Variants in PHACTR1 observed in about 807,000 individuals in gnomAD.
The protein encoded by PHACTR1 is phosphatase and actin regulator 1.
PHACTR1 carries 16 observed loss-of-function variants against 69.2 expected under a neutral mutation model. That is an observed-to-expected ratio of 0.23 (90% CI 0.16 to 0.35). The LOEUF (loss-of-function observed/expected upper bound fraction) is 0.35. Ranked by LOEUF, PHACTR1 falls within the 10% of genes least tolerant of loss-of-function variation. The pLI is 1.00. For missense variants in PHACTR1, 510 were observed against 734.7 expected (o/e 0.69, Z 3.54); for synonymous variants, 312 against 284.5 (o/e 1.10, Z -0.97).
At chr6:13,281,066 A>G (rs1440331454) in intron 12 of PHACTR1, 2 of 1,289,634 alleles carry the variant, frequency 1.6e-6, no homozygotes, top group South Asian at 2.5e-5. Context: ...TTGATTTGGA[A>G]AGACGGTGTC....
chr6:12,725,446 C>T (rs1198586256), intron 3 of PHACTR1, among the ~76,000 whole-genome samples: 1 of 152,218 alleles, frequency 6.6e-6, no homozygotes, highest in Non-Finnish European at 1.5e-5. Context: ...CTTTCCCAGG[C>T]CTTCCTCCCA....
chr6:12,818,086 G>A (rs1775794101), intron 4 of PHACTR1, among the ~76,000 whole-genome samples: 1 of 152,224 alleles, frequency 6.6e-6, no homozygotes, highest in African/African-American at 2.4e-5. Flanking sequence ...GCCTCCCAAA[G>A]TGCTGGGATT....
At chr6:12,900,172 G>A (rs763025375) in intron 4 of PHACTR1, among the ~76,000 whole-genome samples, 2 of 152,012 alleles carry the variant, frequency 1.3e-5, no homozygotes, top group Non-Finnish European at 2.9e-5. Context: ...CTTAAAGATT[G>A]GCCTCTTAAA....
intron 4 of PHACTR1, among the ~76,000 whole-genome samples, chr6:12,938,794 C>T (rs1047034669): frequency 3.3e-5 from 5 of 152,066 alleles, no homozygotes; most frequent in African/African-American, 4.8e-5. Flanking sequence ...TTTATGTAAA[C>T]GGAACACTAA....
chr6:12,953,259 A>T (rs1197057985), intron 4 of PHACTR1, among the ~76,000 whole-genome samples: 2 of 152,122 alleles, frequency 1.3e-5, no homozygotes, highest in South Asian at 2.1e-4. Flanking sequence ...GAAGGTGAAG[A>T]TTGCAGTGAG....
At chr6:13,225,739 G>A (rs12195574) in intron 8 of PHACTR1, among the ~76,000 whole-genome samples, 7,829 of 152,164 alleles carry the variant, frequency 0.051, 227 homozygotes, top group African/African-American at 0.071. Context: ...CCCGGCTGCC[G>A]TTATCCCCAG....
At chr6:12,744,384 A>G (rs542269573) in intron 3 of PHACTR1, among the ~76,000 whole-genome samples, 19 of 152,370 alleles carry the variant, frequency 1.2e-4, no homozygotes, top group African/African-American at 4.6e-4. Flanking sequence ...TTTTGGAGAA[A>G]TCAGGAAGAG....
At chr6:12,848,490 G>A (rs539328531) in intron 4 of PHACTR1, among the ~76,000 whole-genome samples, 14 of 152,108 alleles carry the variant, frequency 9.2e-5, no homozygotes, top group South Asian at 4.1e-4. Context: ...AATGTAACTC[G>A]TAGAGACTTT....
At chr6:12,764,386 C>T (rs886984208) in intron 4 of PHACTR1, among the ~76,000 whole-genome samples, 1 of 152,152 alleles carries the variant, frequency 6.6e-6, no homozygotes, top group Non-Finnish European at 1.5e-5. Context: ...ACCCAATAGT[C>T]ACAATGAATC....
chr6:13,090,049 T>C (rs1428459853), intron 5 of PHACTR1, among the ~76,000 whole-genome samples: 1 of 151,734 alleles, frequency 6.6e-6, no homozygotes. Flanking sequence ...GTTTTGGGTT[T>C]TTTTGTTGTT....
chr6:12,747,721 A>G (rs1415131056), intron 3 of PHACTR1, among the ~76,000 whole-genome samples: 1 of 152,128 alleles, frequency 6.6e-6, no homozygotes, highest in East Asian at 1.9e-4. Flanking sequence ...GTCACTTCAC[A>G]TTTCTGAGAG....
chr6:13,064,534 G>T (rs371876030), intron 5 of PHACTR1, among the ~76,000 whole-genome samples: 19 of 114,452 alleles, frequency 1.7e-4, no homozygotes, highest in African/African-American at 5.6e-4. Flanking sequence ...AACGGGAAGG[G>T]GAGAAGGGAA....
intron 4 of PHACTR1, among the ~76,000 whole-genome samples, chr6:12,764,744 C>T (rs931137164): frequency 6.6e-6 from 1 of 152,156 alleles, no homozygotes; most frequent in African/African-American, 2.4e-5. Context: ...AGGTAGAGCT[C>T]TAGCCTTCCT....
intron 5 of PHACTR1, among the ~76,000 whole-genome samples, chr6:13,056,370 A>G (rs80065946): frequency 0.015 from 2,226 of 152,278 alleles, 63 homozygotes; most frequent in African/African-American, 0.051. Context: ...ACTGTACTCC[A>G]GCTTGGGTGA....
At chr6:13,231,502 C>T (rs143727122) in intron 10 of PHACTR1, among the ~76,000 whole-genome samples, 25 of 152,262 alleles carry the variant, frequency 1.6e-4, no homozygotes, top group African/African-American at 4.1e-4. Context: ...GAAGAACAGC[C>T]TCCATCATGT....
chr6:12,810,644 C>T (rs1009998318), intron 4 of PHACTR1, among the ~76,000 whole-genome samples: 1 of 152,200 alleles, frequency 6.6e-6, no homozygotes, highest in African/African-American at 2.4e-5. Flanking sequence ...TTCCGGCATC[C>T]TCCCCATAGC....
At position 12,970,966 on chromosome 6, in the gene PHACTR1, G is replaced by A. The variant is rs571159395; in HGVS notation, c.251-82399G>A. On this transcript the variant is annotated intron_variant, in intron 4 of 14. Transcript: ENST00000332995. Reference sequence around the variant, plus strand: ...ACCAAAAACAATCATCATTGCCAATGTCTTCTTAACCATTTTCTCCATAAG... The same window carrying A: ...ACCAAAAACAATCATCATTGCCAATATCTTCTTAACCATTTTCTCCATAAG... Among the ~76,000 whole-genome samples, 9 of 152,334 alleles carry A rather than the reference G, an allele frequency of 5.9e-5. No homozygotes were observed. In the South Asian group the frequency reaches 1.4e-3, roughly 25 times the overall value.
chr6:12,910,735 T>C (rs1323462362), intron 4 of PHACTR1, among the ~76,000 whole-genome samples: 1 of 152,214 alleles, frequency 6.6e-6, no homozygotes, highest in Non-Finnish European at 1.5e-5. Context: ...CACATAGTCA[T>C]GAAGATGGGC....
At chr6:13,012,868 A>G (rs892017347) in intron 4 of PHACTR1, among the ~76,000 whole-genome samples, 2 of 152,158 alleles carry the variant, frequency 1.3e-5, no homozygotes, top group Non-Finnish European at 2.9e-5. Flanking sequence ...ATTACAAGTT[A>G]TTGAGCTTTG....
Sources: gnomAD v4.1 joint callset for allele counts (sites outside exome capture counted in the v4.1 genomes callset) on GRCh38, gnomAD v4.1.1 for gene constraint, MANE v1.5 for transcripts, NCBI Gene and HGNC (gene_info 2026-07-23, HGNC 2026-07-21) for gene names.